ROBO2: variants seen among roughly 807,000 people sequenced by gnomAD.
ROBO2 encodes the protein roundabout homolog 2.
ROBO2 carries 53 observed loss-of-function variants against 160.8 expected under a neutral mutation model. The ratio of observed to expected loss-of-function variants is 0.33; its 90% confidence interval spans 0.26 to 0.41. The LOEUF is 0.41. Ranked by LOEUF, ROBO2 falls within the 10% of genes least tolerant of loss-of-function variation. The pLI, the probability that ROBO2 is intolerant of heterozygous loss-of-function variation, is 1.00. For synonymous variants in ROBO2, 664 were observed against 611.7 expected, an observed-to-expected ratio of 1.09 and a Z score of -1.26; for missense variants, 1,577 against 1,722.4, an observed-to-expected ratio of 0.92 and a Z score of 1.49.
At chr3:76,064,979 A>C (rs1313276999) in intron 2 of ROBO2, among the ~76,000 whole-genome samples, 1 of 152,152 alleles carries the variant, frequency 6.6e-6, no homozygotes, top group African/African-American at 2.4e-5. Context: ...CAAAGATTAT[A>C]TGTATAGTCA....
At chr3:76,583,636 G>A (rs753432507) in intron 2 of ROBO2, among the ~76,000 whole-genome samples, 9 of 151,700 alleles carry the variant, frequency 5.9e-5, no homozygotes, top group Non-Finnish European at 8.8e-5. Flanking sequence ...TTCAATAACC[G>A]CTCCCCAAAT....
At chr3:76,857,530 C>T (rs900553403) in intron 2 of ROBO2, among the ~76,000 whole-genome samples, 1 of 151,898 alleles carries the variant, frequency 6.6e-6, no homozygotes, top group East Asian at 1.9e-4. Flanking sequence ...TGTGTTTTTT[C>T]GAAGTGGGCA....
chr3:75,932,380 G>A (rs1386769933), intron 1 of ROBO2, among the ~76,000 whole-genome samples: 1 of 152,126 alleles, frequency 6.6e-6, no homozygotes, highest in Non-Finnish European at 1.5e-5. Context: ...CAGAAAAACT[G>A]GGTTACTGTG....
chr3:76,227,912 C>A (rs906066480), intron 2 of ROBO2, among the ~76,000 whole-genome samples: 1 of 152,170 alleles, frequency 6.6e-6, no homozygotes, highest in African/African-American at 2.4e-5. Context: ...CCAAGCCTAA[C>A]TGGTTTTAGA....
chr3:76,439,875 G>C (rs532685025), intron 2 of ROBO2, among the ~76,000 whole-genome samples: 3 of 152,252 alleles, frequency 2.0e-5, no homozygotes, highest in African/African-American at 7.2e-5. Flanking sequence ...ACGATGGGTA[G>C]TTCATCACAT....
intron 2 of ROBO2, among the ~76,000 whole-genome samples, chr3:76,001,510 A>ATATGTGTGTGTGTGTGTGTATGTGTG (rs980011148): frequency 6.6e-6 from 1 of 151,886 alleles, no homozygotes; most frequent in Non-Finnish European, 1.5e-5. Flanking sequence ...ATTTATTTGA[A>ATATGTGTGTGTGTGTGTGTATGTGTG]TATGTGTGTG....
chr3:76,216,430 A>T (rs982493094), intron 2 of ROBO2, among the ~76,000 whole-genome samples: 52 of 152,196 alleles, frequency 3.4e-4, no homozygotes, highest in African/African-American at 1.2e-3. Flanking sequence ...ACATGCAGAG[A>T]CACATATAGG....
intron 2 of ROBO2, among the ~76,000 whole-genome samples, chr3:76,663,409 A>G (rs2091904369): frequency 6.6e-6 from 1 of 152,178 alleles, no homozygotes; most frequent in East Asian, 1.9e-4. Context: ...GGGGAGCAGT[A>G]AAAGACAGAG....
At chr3:77,139,757 C>T (rs189689390) in intron 2 of ROBO2, among the ~76,000 whole-genome samples, 15 of 152,294 alleles carry the variant, frequency 9.8e-5, no homozygotes, top group African/African-American at 1.2e-4. Context: ...CCTTTCATCC[C>T]CACTTTCTCT....
intron 2 of ROBO2, among the ~76,000 whole-genome samples, chr3:76,737,661 T>G (rs1378226478): frequency 6.6e-6 from 1 of 152,184 alleles, no homozygotes; most frequent in Non-Finnish European, 1.5e-5. Flanking sequence ...GAGTTTCTCA[T>G]CTTTCAGCAT....
intron 2 of ROBO2, among the ~76,000 whole-genome samples, chr3:76,789,400 A>G (rs1188360558): frequency 6.6e-6 from 1 of 151,538 alleles, no homozygotes; most frequent in East Asian, 2.0e-4. Flanking sequence ...GGAGTTCTTC[A>G]AGGAGTTAAT....
chr3:76,285,742 T>C (rs1043134677), intron 2 of ROBO2, among the ~76,000 whole-genome samples: 2 of 152,148 alleles, frequency 1.3e-5, no homozygotes, highest in African/African-American at 4.8e-5. Flanking sequence ...ATTTAATCTA[T>C]TCAAACATCG....
At chr3:76,530,067 G>C (rs939997182) in intron 2 of ROBO2, among the ~76,000 whole-genome samples, 1 of 151,996 alleles carries the variant, frequency 6.6e-6, no homozygotes, top group Non-Finnish European at 1.5e-5. Context: ...CCACTTTCTG[G>C]CCACAGATGA....
chr3:76,378,630 AAGTT>A (rs1354038295), intron 2 of ROBO2, among the ~76,000 whole-genome samples: 16 of 152,328 alleles, frequency 1.1e-4, no homozygotes, highest in African/African-American at 3.4e-4. Flanking sequence ...TTAGTAAAAC[AAGTT>A]AGTTCATACA....
At chr3:77,041,794 T>C (rs1009081980) in intron 1 of ROBO2, among the ~76,000 whole-genome samples, 9 of 152,030 alleles carry the variant, frequency 5.9e-5, no homozygotes, top group African/African-American at 2.2e-4. Flanking sequence ...TATAAGGGAG[T>C]ACTAGATATT....
chr3:76,280,039 A>C (rs1457156692), intron 2 of ROBO2, among the ~76,000 whole-genome samples: 1 of 152,012 alleles, frequency 6.6e-6, no homozygotes, highest in African/African-American at 2.4e-5. Flanking sequence ...CAGTTTTAAG[A>C]ACACTTCCTA....
intron 2 of ROBO2, among the ~76,000 whole-genome samples, chr3:76,443,427 G>T (rs1014766540): frequency 6.6e-6 from 1 of 152,052 alleles, no homozygotes. Flanking sequence ...TATCCCCTGA[G>T]TATACGTAGG....
intron 24 of ROBO2, among the ~76,000 whole-genome samples, chr3:77,636,091 T>A (rs2095259216): frequency 6.6e-6 from 1 of 152,136 alleles, no homozygotes; most frequent in Admixed American, 6.6e-5. Flanking sequence ...TCGAATCACC[T>A]GCCAAAGGCC....
At chr3:76,401,728 C>G (rs1396529250) in intron 2 of ROBO2, among the ~76,000 whole-genome samples, 1 of 150,920 alleles carries the variant, frequency 6.6e-6, no homozygotes, top group African/African-American at 2.4e-5. Context: ...CAAACCTTTA[C>G]TCTGACAAGA....
Sources: allele counts gnomAD v4.1 joint callset (sites outside exome capture counted in the v4.1 genomes callset), GRCh38; gene constraint gnomAD v4.1.1; transcripts MANE v1.5; gene names NCBI Gene and HGNC (gene_info 2026-07-23, HGNC 2026-07-21).